The following SP4 variants were observed in gnomAD, a reference collection of about 807,000 sequenced individuals.
SP4 encodes Sp4 transcription factor.
A neutral mutation model predicts 72.8 loss-of-function variants in SP4; 19 were observed. That is an observed-to-expected ratio of 0.26 (90% confidence interval 0.18 to 0.38). The LOEUF (loss-of-function observed/expected upper bound fraction) is 0.38, where lower values mean the gene tolerates loss of function less well. Among genes scored for constraint, SP4 ranks in the 10% least tolerant of loss-of-function variants. SP4 has a pLI of 1.00. For synonymous variants in SP4, 395 were observed against 333.1 expected (o/e 1.19, Z -2.02); for missense variants, 1,008 against 926.3 (o/e 1.09, Z -1.14).
chr7:21,499,489 G>A (rs951491344), intron 5 of SP4, among the ~76,000 whole-genome samples: 3 of 152,154 alleles, frequency 2.0e-5, no homozygotes, highest in Non-Finnish European at 4.4e-5. Context: ...GATTGAAGCA[G>A]TGCAGCTACA....
intron 5 of SP4, among the ~76,000 whole-genome samples, chr7:21,486,482 C>T (rs1421865163): frequency 2.0e-5 from 3 of 152,074 alleles, no homozygotes; most frequent in Non-Finnish European, 4.4e-5. Flanking sequence ...TGTGACTTTT[C>T]CTAGTCCTTT....
chr7:21,476,189 G>T (rs1419274691), intron 3 of SP4, among the ~76,000 whole-genome samples: 2 of 146,166 alleles, frequency 1.4e-5, no homozygotes, highest in Non-Finnish European at 3.0e-5. Flanking sequence ...AAGAAGAATT[G>T]CTTGAACCCA....
At chr7:21,468,518 AT>A (rs749410736) in intron 3 of SP4, among the ~76,000 whole-genome samples, 7,175 of 145,018 alleles carry the variant, frequency 0.049, 177 homozygotes, top group Non-Finnish European at 0.056. Context: ...TATGAATGGA[AT>A]TTTTTTTTTT....
chr7:21,460,177 A>G (rs986429294), intron 3 of SP4, among the ~76,000 whole-genome samples: 4 of 152,192 alleles, frequency 2.6e-5, no homozygotes, highest in South Asian at 2.1e-4. Flanking sequence ...CTTGGTCTCA[A>G]TGACTTCCAA....
intron 3 of SP4, among the ~76,000 whole-genome samples, chr7:21,472,048 A>C (rs926707259): frequency 6.6e-6 from 1 of 152,186 alleles, no homozygotes; most frequent in Non-Finnish European, 1.5e-5. Flanking sequence ...GGGCTAAGCT[A>C]TCTGGTTCTT....
intron 3 of SP4, among the ~76,000 whole-genome samples, chr7:21,451,110 A>G (rs1783583173): frequency 6.6e-6 from 1 of 152,182 alleles, no homozygotes; most frequent in African/African-American, 2.4e-5. Flanking sequence ...CTGCACGTGC[A>G]GTGTGTTTGT....
At chr7:21,461,249 C>T (rs867421665) in intron 3 of SP4, among the ~76,000 whole-genome samples, 3 of 152,146 alleles carry the variant, frequency 2.0e-5, no homozygotes, top group Middle Eastern at 3.4e-3. Context: ...GAGCAGGGGG[C>T]GGTGCTTGTT....
intron 3 of SP4, among the ~76,000 whole-genome samples, chr7:21,437,697 C>T (rs1412720878): frequency 6.6e-6 from 1 of 152,112 alleles, no homozygotes; most frequent in African/African-American, 2.4e-5. Flanking sequence ...AATTACATAC[C>T]TACAAGGTAA....
At chr7:21,502,046 C>CG (rs1781879638) in intron 5 of SP4, among the ~76,000 whole-genome samples, 1 of 111,734 alleles carries the variant, frequency 8.9e-6, no homozygotes, top group Non-Finnish European at 1.9e-5. Context: ...AGGCACCCCC[C>CG]CCCCCCCGGA....
intron 5 of SP4, among the ~76,000 whole-genome samples, chr7:21,488,479 C>CTT (rs59893862): frequency 0.28 from 37,256 of 132,938 alleles, 5,550 homozygotes; most frequent in Non-Finnish European, 0.35. Context: ...ACTTCCTTTC[C>CTT]TTTTTTTTTT....
At chr7:21,487,795 G>A (rs1583436589) in intron 5 of SP4, among the ~76,000 whole-genome samples, 1 of 143,684 alleles carries the variant, frequency 7.0e-6, no homozygotes, top group South Asian at 2.3e-4. Context: ...GGTGGTGGTG[G>A]TGGTCATGGT....
intron 3 of SP4, among the ~76,000 whole-genome samples, chr7:21,472,291 T>C (rs1784370193): frequency 6.6e-6 from 1 of 151,880 alleles, no homozygotes; most frequent in Non-Finnish European, 1.5e-5. Context: ...GTTTGTTTGT[T>C]TGTTTTTGAG....
rs763993457 is a variant in SP4, at chr7:21,477,166, C to T, written c.1766C>T (p.Thr589Met). ...TVAVGGIANATIGAVSPDQLT... is the reference protein window; with the variant it reads ...TVAVGGIANAMIGAVSPDQLT... ...GCAGTTGGAGGAATTGCTAATGCCACGATAGGTGCTGTTAGTCCTGACCAA... is the reference window on the plus strand; with the variant it reads ...GCAGTTGGAGGAATTGCTAATGCCATGATAGGTGCTGTTAGTCCTGACCAA... Residue 589 changes from threonine to methionine, a missense_variant, in exon 4 of 6, where the codon ACG (threonine) becomes ATG (methionine). This residue lies in a region of SP4 where 893 missense variants were observed against 743.3 expected (regional missense o/e 1.20). Transcript: ENST00000222584. 5.0e-6 allele frequency: 8 copies of T among 1,614,084 alleles called. No homozygotes were observed. Among genetic ancestry groups the T allele is most frequent in the South Asian group, 1.1e-5 (1 of 91,084 alleles).
In SP4 at chr7:21,430,656, C is replaced by T; in HGVS notation, c.1491C>T (p.Thr497=). 6.2e-7 allele frequency: 1 copy of T among 1,614,170 alleles called. No homozygotes were observed. Among genetic ancestry groups the T allele is most frequent in the Non-Finnish European group, 8.5e-7 (1 of 1,180,032 alleles). Residue 497 remains threonine, a synonymous_variant, in exon 3 of 6, where the codon ACC becomes ACT. Coordinates refer to ENST00000222584, the MANE Select transcript of SP4 (RefSeq NM_003112.5). Reference sequence around the variant, plus strand: ...GGTTATCCCAACAATTAACCATCACCCCAGTGTCTTCAAGTGGTGGCACAA... The same window carrying T: ...GGTTATCCCAACAATTAACCATCACTCCAGTGTCTTCAAGTGGTGGCACAA... ...NAGLSQQLTI[T]PVSSSGGTTL...
intron 5 of SP4, among the ~76,000 whole-genome samples, chr7:21,504,532 C>G (rs1781946924): frequency 6.6e-6 from 1 of 152,150 alleles, no homozygotes; most frequent in African/African-American, 2.4e-5. Context: ...AGAGCCTTAT[C>G]CCATCATGTA....
intron 5 of SP4, among the ~76,000 whole-genome samples, chr7:21,500,303 G>A (rs948292849): frequency 6.6e-6 from 1 of 151,982 alleles, no homozygotes; most frequent in Admixed American, 6.6e-5. Context: ...TAATTTATTG[G>A]GCTTTAAATT....
intron 5 of SP4, among the ~76,000 whole-genome samples, chr7:21,502,950 C>A (rs1373829481): frequency 6.6e-6 from 1 of 152,052 alleles, no homozygotes. Flanking sequence ...CCTTAGGTGA[C>A]CCATGCACTT....
At chr7:21,489,488 A>AT (rs138369949) in intron 5 of SP4, among the ~76,000 whole-genome samples, 40,069 of 135,290 alleles carry the variant, frequency 0.3, 6,037 homozygotes, top group Non-Finnish European at 0.35. Flanking sequence ...CACCTAGCTA[A>AT]TTTTTTTTTT....
At position 21,514,427 on chromosome 7, in the gene SP4, A is replaced by G. The variant is rs1457420733; in HGVS notation, c.*3158A>G. 1 of 152,472 alleles carries G rather than the reference A, an allele frequency of 6.6e-6. No homozygotes were observed. Among genetic ancestry groups the G allele is most frequent in the Non-Finnish European group, 1.5e-5 (1 of 67,998 alleles). The allele number at this position is 152,472 out of a possible 1,614,324, so 9.4% of individuals were successfully genotyped here. A position where few individuals can be genotyped will look rare whatever the true frequency, so the allele number is the denominator to read the frequency against. On this transcript the variant is annotated 3_prime_UTR_variant, in exon 6 of 6. Coordinates refer to ENST00000222584, the MANE Select transcript of SP4 (RefSeq NM_003112.5). ...GTGCAGCATAGGGTATTAAATCTAC[A>G]TAATGATTTTAAAACAGAAATAGTT...
Sources: allele counts gnomAD v4.1 joint callset (sites outside exome capture counted in the v4.1 genomes callset), GRCh38; gene constraint gnomAD v4.1.1; regional missense constraint gnomAD v4.1.1; transcripts MANE v1.5; gene names NCBI Gene and HGNC (gene_info 2026-07-23, HGNC 2026-07-21).